GVQW3: variants seen among roughly 807,000 people sequenced by gnomAD.
GVQW3 encodes GVQW motif containing 3.
In GVQW3, 7 loss-of-function variants were observed where a neutral mutation model predicts 12.5. That is an observed-to-expected ratio of 0.56 (90% CI 0.32 to 1.05). GVQW3 has a LOEUF of 1.05. GVQW3 is among the 50% of genes least tolerant of loss of function. GVQW3 has a pLI of 0.04. For synonymous variants in GVQW3, 71 were observed against 67.2 expected (o/e 1.06, Z -0.28); for missense variants, 188 against 190.8 (o/e 0.99, Z 0.09).
At chr11:76,386,225 C>T (rs1288797275) in intron 1 of GVQW3, among the ~76,000 whole-genome samples, 1 of 152,190 alleles carries the variant, frequency 6.6e-6, no homozygotes, top group African/African-American at 2.4e-5. Context: ...TGCAATTCTC[C>T]CCTTCCATCA....
At chr11:76,399,717 A>G (rs1353291480) in intron 1 of GVQW3, among the ~76,000 whole-genome samples, 2 of 152,192 alleles carry the variant, frequency 1.3e-5, no homozygotes, top group Non-Finnish European at 2.9e-5. Flanking sequence ...CCTGCAAGTA[A>G]GAGGAAACTC....
At chr11:76,387,528 A>C (rs1946847336) in intron 1 of GVQW3, among the ~76,000 whole-genome samples, 1 of 152,180 alleles carries the variant, frequency 6.6e-6, no homozygotes, top group Admixed American at 6.5e-5. Flanking sequence ...CCCCCAGTCT[A>C]GTGTATATGA....
At position 76,404,065 on chromosome 11, in the gene GVQW3, C is replaced by T. The variant is rs1159810836; in HGVS notation, c.*307C>T. ...TAATGTTTTCCCATCTATCTCAGTA[C>T]CCCATGATCCAGTCAAGTGAACATA... On this transcript the variant is annotated 3_prime_UTR_variant, in exon 2 of 2. Coordinates refer to ENST00000529331, the MANE Select transcript of GVQW3 (RefSeq NM_001347885.2). 2.0e-6 allele frequency: 1 copy of T among 510,276 alleles called. No individual in the cohort carries two copies. Among genetic ancestry groups the T allele is most frequent in the Non-Finnish European group, 3.5e-6 (1 of 281,928 alleles). 31.6% of individuals were successfully genotyped at this position (510,276 alleles called of 1,614,324 possible).
At chr11:76,384,991 C>T (rs966297497) in intron 1 of GVQW3, among the ~76,000 whole-genome samples, 1 of 152,158 alleles carries the variant, frequency 6.6e-6, no homozygotes, top group African/African-American at 2.4e-5. Flanking sequence ...TGTTTCTAAC[C>T]TGTTATTAAA....
At chr11:76,382,522 T>C (rs1366615515) in intron 1 of GVQW3, 1 of 608,410 alleles carries the variant, frequency 1.6e-6, no homozygotes, top group Non-Finnish European at 2.9e-6. Flanking sequence ...GCACCTTCTT[T>C]GGCTGCTCAC....
chr11:76,396,429 C>G (rs4945081), intron 1 of GVQW3, among the ~76,000 whole-genome samples: 33 of 151,768 alleles, frequency 2.2e-4, no homozygotes, highest in Admixed American at 1.4e-3. Flanking sequence ...ATCCTCCCAC[C>G]ACAGCCCCCG....
chr11:76,401,446 C>G (rs537515992), intron 1 of GVQW3, among the ~76,000 whole-genome samples: 1 of 152,094 alleles, frequency 6.6e-6, no homozygotes, highest in East Asian at 1.9e-4. Context: ...TCCAGCCTAA[C>G]CTATGAATTT....
In GVQW3 at chr11:76,406,117, C is replaced by T. The variant is rs867248; in HGVS notation, c.*2359C>T. The T allele has an allele frequency of 0.24, 35,748 of 152,078 alleles. 4,473 individuals carry two copies. The highest frequency in any genetic ancestry group is 0.36 in the Admixed American group (5,440 of 15,274). 9.4% of individuals were successfully genotyped at this position (152,078 alleles called of 1,614,324 possible). On this transcript the variant is annotated 3_prime_UTR_variant, in exon 2 of 2. Transcript: ENST00000529331. ...CCTCCTGAGTAGCTGGGACTAGAGG[C>T]ATGTATCACCATGCCCAGCTAATTT...
chr11:76,386,695 G>A (rs144339206), intron 1 of GVQW3, among the ~76,000 whole-genome samples: 1 of 152,272 alleles, frequency 6.6e-6, no homozygotes, highest in East Asian at 1.9e-4. Context: ...AATTGTGTAT[G>A]TTACTGTGCA....
chr11:76,408,536 CA>C (rs1315728657), downstream of GVQW3: 13 of 152,216 alleles, frequency 8.5e-5, no homozygotes, highest in African/African-American at 3.1e-4. Flanking sequence ...AGTGCTCCAG[CA>C]AGTGAACTGA....
intron 1 of GVQW3, among the ~76,000 whole-genome samples, chr11:76,393,116 AG>A (rs769485844): frequency 6.6e-5 from 10 of 152,268 alleles, no homozygotes; most frequent in Non-Finnish European, 1.5e-4. Context: ...CATGAAAACA[AG>A]AAGCCCAAGG....
chr11:76,402,900 A>C (rs920992385), intron 1 of GVQW3, among the ~76,000 whole-genome samples: 6 of 151,814 alleles, frequency 4.0e-5, no homozygotes, highest in African/African-American at 1.2e-4. Context: ...GAATTTTGTC[A>C]TGCTGCCTAG....
Position 76,381,727 on chromosome 11 carries a change from A to G in GVQW3, c.-102A>G. 1.8e-6 allele frequency: 2 copies of G among 1,089,562 alleles called. No individual in the cohort carries two copies. The highest frequency in any genetic ancestry group is 3.6e-5 in the South Asian group (2 of 54,864). The allele number at this position is 1,089,562 out of a possible 1,614,324, so 67.5% of individuals were successfully genotyped here. The stretch of plus-strand genomic sequence containing the variant: ...CCGGCGAGGCTTCTAGAAGAGCAAG[A>G]AGAGCGATATGATTACACCTGCAGC... On this transcript the variant is annotated 5_prime_UTR_variant, in exon 1 of 2. Transcript: ENST00000529331.
intron 1 of GVQW3, chr11:76,389,879 C>A (rs1946875202): frequency 6.6e-6 from 1 of 152,158 alleles, no homozygotes; most frequent in Non-Finnish European, 1.5e-5. Flanking sequence ...TTTGGGTATT[C>A]TATACTGAGA....
chr11:76,407,101 A>G lies in GVQW3; in HGVS notation c.*3343A>G, dbSNP rs1447384137. On this transcript the variant is annotated 3_prime_UTR_variant, in exon 2 of 2. Transcript: ENST00000529331. ...AGAGGATAACTCTAAGTTTGGTTGT[A>G]TAATTTCTGCTGTGTTTAAGAAAAA... 2.0e-5 allele frequency: 3 copies of G among 152,226 alleles called. No individual in the cohort carries two copies. Among genetic ancestry groups the G allele is most frequent in the African/African-American group, 4.8e-5 (2 of 41,464 alleles). 9.4% of individuals were successfully genotyped at this position (152,226 alleles called of 1,614,324 possible). A position where few individuals can be genotyped will look rare whatever the true frequency, so the allele number is the denominator to read the frequency against.
downstream of GVQW3, chr11:76,412,090 A>G (rs1423002712): frequency 6.6e-6 from 1 of 152,182 alleles, no homozygotes; most frequent in Non-Finnish European, 1.5e-5. Context: ...GAAGAACTCA[A>G]CCGTTGTAAA....
Position 76,404,306 on chromosome 11 carries a change from C to A in GVQW3, c.*548C>A. The stretch of plus-strand genomic sequence containing the variant: ...AGCTCAGAAAGGTTGTCTAAACTGC[C>A]AAAGCCATAGAACTTTAAGTGCGGA... On this transcript the variant is annotated 3_prime_UTR_variant, in exon 2 of 2. Coordinates refer to ENST00000529331, the MANE Select transcript of GVQW3 (RefSeq NM_001347885.2). The A allele has an allele frequency of 3.6e-6, 1 of 274,528 alleles. No homozygotes were observed. Among genetic ancestry groups the A allele is most frequent in the Non-Finnish European group, 6.8e-6 (1 of 148,132 alleles). The allele number at this position is 274,528 out of a possible 1,614,324, so 17.0% of individuals were successfully genotyped here. A position where few individuals can be genotyped will look rare whatever the true frequency, so the allele number is the denominator to read the frequency against.
Position 76,382,204 on chromosome 11 carries a change from T to G in GVQW3, c.376T>G (p.Leu126Val). Residue 126 changes from leucine to valine, a missense_variant, in exon 1 of 2, where the codon TTG becomes GTG. Physicochemically the swap from Leu to Val is conservative, Grantham distance 32 (BLOSUM62 1). Transcript: ENST00000529331. Reference protein sequence around the residue: ...KISAKVISGVLKGEPKPRKLD... With the variant: ...KISAKVISGVVKGEPKPRKLD... ...TTCTGCAAAAGTTATTTCGGGTGTTTTGAAGGGTGAGCCTAAACCACGAAA... is the reference window on the plus strand; with the variant it reads ...TTCTGCAAAAGTTATTTCGGGTGTTGTGAAGGGTGAGCCTAAACCACGAAA... 6.5e-7 allele frequency: 1 copy of G among 1,536,184 alleles called. No homozygotes were observed. The highest frequency in any genetic ancestry group is 8.7e-7 in the Non-Finnish European group (1 of 1,146,918).
chr11:76,402,389 C>T (rs1331140834), intron 1 of GVQW3, among the ~76,000 whole-genome samples: 2 of 152,018 alleles, frequency 1.3e-5, no homozygotes, highest in African/African-American at 2.4e-5. Context: ...CCTGTCTCTA[C>T]TAAAAATACA....
Sources: allele counts gnomAD v4.1 joint callset (sites outside exome capture counted in the v4.1 genomes callset), GRCh38; gene constraint gnomAD v4.1.1; transcripts MANE v1.5; gene names NCBI Gene and HGNC (gene_info 2026-07-23, HGNC 2026-07-21).